RBFOX1: variants seen among roughly 807,000 people sequenced by gnomAD.
RBFOX1 encodes the protein RNA binding fox-1 homolog 1, also known as RNA binding protein fox-1 homolog 1.
Under a neutral mutation model 57.7 loss-of-function variants are expected in RBFOX1, and 8 were observed. The ratio of observed to expected loss-of-function variants is 0.14; its 90% CI spans 0.08 to 0.25. RBFOX1 has a LOEUF of 0.25. Among genes scored for constraint, RBFOX1 ranks in the 10% least tolerant of loss-of-function variants. The pLI is 1.00. For synonymous variants in RBFOX1, 326 were observed against 222.4 expected, an observed-to-expected ratio of 1.47 and a Z score of -4.15; for missense variants, 611 against 548.5, an observed-to-expected ratio of 1.11 and a Z score of -1.14.
intron 2 of RBFOX1, among the ~76,000 whole-genome samples, chr16:6,433,086 A>G (rs1414446096): frequency 6.6e-6 from 1 of 152,222 alleles, no homozygotes; most frequent in Non-Finnish European, 1.5e-5. Context: ...AGAGAAAGTC[A>G]GGGGAGAAAG....
rs1023180420 is a variant in RBFOX1, at chr16:7,694,425, C to A, written c.996-14631C>A. 4.6e-5 allele frequency among the ~76,000 whole-genome samples: 7 copies of A among 152,296 alleles called. No individual in the cohort carries two copies. The South Asian group carries it at 8.3e-4, about 18-fold the overall frequency. On this transcript the variant is annotated intron_variant, in intron 14 of 15. Coordinates refer to ENST00000550418, the MANE Select transcript of RBFOX1 (RefSeq NM_018723.4). ...AGGACAGAGAGCTAGGAACATGCACCCAACTATCTCTGTTCTAAAAGGCAG... is the reference window on the plus strand; with the variant it reads ...AGGACAGAGAGCTAGGAACATGCACACAACTATCTCTGTTCTAAAAGGCAG...
At chr16:6,030,410 C>T (rs2095271437) in intron 1 of RBFOX1, among the ~76,000 whole-genome samples, 1 of 152,198 alleles carries the variant, frequency 6.6e-6, no homozygotes, top group Non-Finnish European at 1.5e-5. Context: ...ATAGTTCAGT[C>T]ACAGTAGTAA....
At chr16:6,452,898 A>C (rs1020821393) in intron 2 of RBFOX1, among the ~76,000 whole-genome samples, 1 of 152,226 alleles carries the variant, frequency 6.6e-6, no homozygotes, top group African/African-American at 2.4e-5. Flanking sequence ...AGCCCTTAGC[A>C]CACAGCTTTG....
At chr16:6,058,763 A>G (rs2095646967) in intron 1 of RBFOX1, among the ~76,000 whole-genome samples, 1 of 150,728 alleles carries the variant, frequency 6.6e-6, no homozygotes, top group African/African-American at 2.4e-5. Flanking sequence ...TCACTCATCC[A>G]TTCATTCACC....
At chr16:7,504,898 G>T (rs2072701962) in intron 4 of RBFOX1, among the ~76,000 whole-genome samples, 1 of 146,360 alleles carries the variant, frequency 6.8e-6, no homozygotes, top group South Asian at 2.1e-4. Context: ...TTAATAACAG[G>T]CAATAATACG....
intron 2 of RBFOX1, among the ~76,000 whole-genome samples, chr16:6,562,503 G>C (rs1488817095): frequency 6.6e-6 from 1 of 152,208 alleles, no homozygotes; most frequent in East Asian, 1.9e-4. Flanking sequence ...ATTAGCAAGG[G>C]TGACTCAGTC....
intron 4 of RBFOX1, among the ~76,000 whole-genome samples, chr16:7,318,042 G>A (rs919966213): frequency 6.6e-6 from 1 of 151,996 alleles, no homozygotes; most frequent in Non-Finnish European, 1.5e-5. Flanking sequence ...GAAAATGGTG[G>A]TGGTGGTGAT....
chr16:5,468,436 AATC>A (rs1310054173), intron 2 of RBFOX1, among the ~76,000 whole-genome samples: 1 of 152,114 alleles, frequency 6.6e-6, no homozygotes, highest in Non-Finnish European at 1.5e-5. Flanking sequence ...ACATAAGTGG[AATC>A]ATATAGTAAG....
chr16:7,218,129 G>A (rs922824044), intron 4 of RBFOX1, among the ~76,000 whole-genome samples: 3 of 152,026 alleles, frequency 2.0e-5, no homozygotes, highest in South Asian at 4.1e-4. Flanking sequence ...GCAGAAGTCA[G>A]GCTGAATCAT....
intron 3 of RBFOX1, among the ~76,000 whole-genome samples, chr16:6,914,330 G>A (rs368460033): frequency 7.9e-5 from 12 of 152,206 alleles, no homozygotes; most frequent in African/African-American, 2.2e-4. Context: ...TATCTAGTCC[G>A]GGGTGTCTGG....
chr16:7,650,416 G>A (rs779350995), intron 11 of RBFOX1, among the ~76,000 whole-genome samples: 1 of 150,534 alleles, frequency 6.6e-6, no homozygotes, highest in Non-Finnish European at 1.5e-5. Context: ...CACAAAATAA[G>A]AAGTCCCCCA....
chr16:6,396,272 G>A (rs959970185), intron 2 of RBFOX1, among the ~76,000 whole-genome samples: 1 of 152,098 alleles, frequency 6.6e-6, no homozygotes, highest in Non-Finnish European at 1.5e-5. Flanking sequence ...GAGAGGTACT[G>A]TAACTTGATA....
At chr16:6,758,919 G>C (rs901306946) in intron 3 of RBFOX1, among the ~76,000 whole-genome samples, 2 of 152,206 alleles carry the variant, frequency 1.3e-5, no homozygotes, top group African/African-American at 2.4e-5. Context: ...AGGGAGTCGG[G>C]GGGGAAAGAG....
At chr16:6,336,256 T>G (rs2152817332) in intron 2 of RBFOX1, among the ~76,000 whole-genome samples, 1 of 127,348 alleles carries the variant, frequency 7.9e-6, no homozygotes, top group East Asian at 2.8e-4. Flanking sequence ...TGGAGTGCAG[T>G]GGCGAGATCT....
At chr16:6,275,007 C>T (rs1296040041) in intron 1 of RBFOX1, among the ~76,000 whole-genome samples, 1 of 152,122 alleles carries the variant, frequency 6.6e-6, no homozygotes, top group Admixed American at 6.6e-5. Context: ...TCGCTCTTGT[C>T]CGGAGAGTGA....
chr16:6,347,231 G>A (rs765328999), intron 2 of RBFOX1, among the ~76,000 whole-genome samples: 2 of 152,172 alleles, frequency 1.3e-5, no homozygotes, highest in African/African-American at 4.8e-5. Context: ...GAAGAAGAGA[G>A]TCAACTAGGG....
At chr16:6,967,634 A>G (rs938962836) in intron 3 of RBFOX1, among the ~76,000 whole-genome samples, 1 of 152,034 alleles carries the variant, frequency 6.6e-6, no homozygotes, top group African/African-American at 2.4e-5. Flanking sequence ...TCGCTGTTGA[A>G]CAGCGAAGTG....
intron 2 of RBFOX1, among the ~76,000 whole-genome samples, chr16:6,404,539 C>G (rs1016710859): frequency 6.6e-6 from 1 of 152,188 alleles, no homozygotes; most frequent in Non-Finnish European, 1.5e-5. Context: ...GTTCTCTACT[C>G]TAATATTTCA....
intron 4 of RBFOX1, among the ~76,000 whole-genome samples, chr16:5,941,019 T>A (rs1156588881): frequency 2.0e-5 from 3 of 152,194 alleles, no homozygotes; most frequent in Admixed American, 2.0e-4. Context: ...AACATACTTA[T>A]CTACTGGTGG....
Sources: allele counts gnomAD v4.1 joint callset (sites outside exome capture counted in the v4.1 genomes callset), GRCh38; gene constraint gnomAD v4.1.1; transcripts MANE v1.5; gene names NCBI Gene and HGNC (gene_info 2026-07-23, HGNC 2026-07-21).